DTNB: variants seen among roughly 807,000 people sequenced by gnomAD.
The protein encoded by DTNB is DTN-B.
DTNB carries 63 observed loss-of-function variants against 90.7 expected under a neutral mutation model. The ratio of observed to expected loss-of-function variants is 0.69; its 90% CI spans 0.57 to 0.86. The LOEUF is 0.86. Among genes scored for constraint, DTNB ranks in the 40% least tolerant of loss-of-function variants. The probability of loss-of-function intolerance (pLI) is 0.00; values close to 1 mark genes in which losing one functional copy is unlikely to be tolerated. For synonymous variants in DTNB, 277 were observed against 286.7 expected (o/e 0.97, Z 0.34); for missense variants, 744 against 807.1 (o/e 0.92, Z 0.95).
chr2:25,591,259 A>G (rs1179001578), intron 6 of DTNB, among the ~76,000 whole-genome samples: 1 of 152,148 alleles, frequency 6.6e-6, no homozygotes, highest in Non-Finnish European at 1.5e-5. Context: ...CCATGGCTTG[A>G]CCGGCTGCAG....
chr2:25,614,287 T>C (rs11678268), intron 4 of DTNB, among the ~76,000 whole-genome samples: 67,330 of 151,938 alleles, frequency 0.44, 15,966 homozygotes, highest in East Asian at 0.77. Flanking sequence ...AGAGGACTGC[T>C]CCCACCACTC....
chr2:25,648,496 C>G (rs2080034744), intron 2 of DTNB, among the ~76,000 whole-genome samples: 1 of 151,900 alleles, frequency 6.6e-6, no homozygotes, highest in Non-Finnish European at 1.5e-5. Flanking sequence ...ATGTAACAAA[C>G]CTGCACATGT....
chr2:25,387,709 C>A lies in DTNB; in HGVS notation c.1736-331G>T, dbSNP rs75178759. Among the ~76,000 whole-genome samples the A allele has an allele frequency of 3.8e-3, 586 of 152,280 alleles. 4 individuals carry two copies. Among genetic ancestry groups the A allele is most frequent in the African/African-American group, 0.013 (559 of 41,566 alleles). On this transcript the variant is annotated intron_variant, in intron 17 of 20. Transcript: ENST00000406818. The surrounding 1 kb of genome is among the most constrained non-coding windows in gnomAD (Gnocchi z 4.5). ...TGTGGGGGTGGGGCTGTACTCTCCA[C>A]AACCACCACTACCACCTCCCCTTCT... is the stretch of plus-strand genomic sequence containing the variant.
chr2:25,400,934 A>T (rs1483221876), intron 16 of DTNB, among the ~76,000 whole-genome samples: 1 of 152,238 alleles, frequency 6.6e-6, no homozygotes, highest in East Asian at 1.9e-4. Flanking sequence ...TTTTCAAATC[A>T]GCAAAGACCC....
intron 4 of DTNB, among the ~76,000 whole-genome samples, chr2:25,616,654 C>T (rs1454615084): frequency 2.5e-5 from 2 of 79,782 alleles, no homozygotes; most frequent in African/African-American, 9.0e-5. Flanking sequence ...AAGACTTGGC[C>T]GGGCGCAGTG....
Position 25,432,829 on chromosome 2 carries a change from G to A in DTNB, c.1457+57C>T, listed in dbSNP as rs2054369437. 5 of 1,520,320 alleles carry A rather than the reference G, an allele frequency of 3.3e-6. No homozygotes were observed. The South Asian group carries it at 4.8e-5, about 15-fold the overall frequency. The allele number at this position is 1,520,320 out of a possible 1,614,324, so 94.2% of individuals were successfully genotyped here. A position where few individuals can be genotyped will look rare whatever the true frequency, so the allele number is the denominator to read the frequency against. On this transcript the variant is annotated intron_variant, in intron 14 of 20. Coordinates refer to ENST00000406818, the MANE Select transcript of DTNB (RefSeq NM_021907.5). ...CTACCCCACTCCTTTGGTTTCCTCAGATAAGTTCCATCCATAGTAGATTAC... is the reference window on the plus strand; with the variant it reads ...CTACCCCACTCCTTTGGTTTCCTCAAATAAGTTCCATCCATAGTAGATTAC...
chr2:25,646,936 T>C (rs1272715375), intron 2 of DTNB, among the ~76,000 whole-genome samples: 1 of 152,234 alleles, frequency 6.6e-6, no homozygotes, highest in Non-Finnish European at 1.5e-5. Context: ...AATATATGTG[T>C]ATTCATTAAA....
chr2:25,533,240 C>A (rs1002144565), intron 8 of DTNB, among the ~76,000 whole-genome samples: 1 of 152,086 alleles, frequency 6.6e-6, no homozygotes, highest in Non-Finnish European at 1.5e-5. Flanking sequence ...GTGGGAGGAT[C>A]GCTTCAGCCC....
intron 2 of DTNB, among the ~76,000 whole-genome samples, chr2:25,644,838 T>C (rs769246445): frequency 1.3e-5 from 2 of 152,178 alleles, no homozygotes; most frequent in Non-Finnish European, 2.9e-5. Context: ...TTCCTTATCT[T>C]TTTCTTTGCA....
chr2:25,506,852 A>G (rs1965239), intron 9 of DTNB, among the ~76,000 whole-genome samples: 46,424 of 151,946 alleles, frequency 0.31, 8,137 homozygotes, highest in East Asian at 0.51. Flanking sequence ...CTAGGCCCTA[A>G]AAGAAATCTC....
At chr2:25,640,013 C>T (rs2077911363) in intron 2 of DTNB, among the ~76,000 whole-genome samples, 1 of 152,232 alleles carries the variant, frequency 6.6e-6, no homozygotes, top group Non-Finnish European at 1.5e-5. Flanking sequence ...CTGCTGAGAC[C>T]TCAGGCATCA....
At chr2:25,484,349 G>A (rs1364015543) in intron 9 of DTNB, among the ~76,000 whole-genome samples, 3 of 152,110 alleles carry the variant, frequency 2.0e-5, no homozygotes, top group South Asian at 2.1e-4. Context: ...TTCTCCTTCC[G>A]TTTAAGGACA....
chr2:25,572,742 G>A (rs2060072752), intron 8 of DTNB, among the ~76,000 whole-genome samples: 1 of 151,442 alleles, frequency 6.6e-6, no homozygotes, highest in African/African-American at 2.4e-5. Context: ...CTTTGCCAAT[G>A]TAATTCCCTC....
intron 9 of DTNB, among the ~76,000 whole-genome samples, chr2:25,492,238 A>T (rs2067691767): frequency 6.6e-6 from 1 of 152,238 alleles, no homozygotes; most frequent in East Asian, 1.9e-4. Flanking sequence ...TGGCTCTCTG[A>T]ACGTAAACCA....
In DTNB at chr2:25,655,228, C is replaced by T. The variant is rs566146021; in HGVS notation, c.-1-2567G>A. On this transcript the variant is annotated intron_variant, in intron 1 of 20. Coordinates refer to ENST00000406818, the MANE Select transcript of DTNB (RefSeq NM_021907.5). ...CAAGATTCTTCTGAACCTTCTAGGC[C>T]AGAAGCGGCTTTCTTCCTCTTACTA... Among the ~76,000 whole-genome samples the T allele has an allele frequency of 9.8e-5, 15 of 152,304 alleles. No homozygotes were observed. The East Asian group carries it at 2.7e-3, about 27-fold the overall frequency.
At chr2:25,412,779 G>C (rs1285039729) in intron 16 of DTNB, among the ~76,000 whole-genome samples, 7 of 152,154 alleles carry the variant, frequency 4.6e-5, no homozygotes, top group African/African-American at 1.7e-4. Context: ...GAGTCACTGG[G>C]AAAAATGGAA....
chr2:25,666,059 CGAT>C (rs2084369623), intron 1 of DTNB, among the ~76,000 whole-genome samples: 1 of 152,124 alleles, frequency 6.6e-6, no homozygotes, highest in Non-Finnish European at 1.5e-5. Context: ...AGTGAAGTTA[CGAT>C]GATATTTAGT....
chr2:25,384,018 A>T, intron 18 of DTNB, 129 bp from the exon 19 acceptor site: 1 of 1,555,550 alleles, frequency 6.4e-7, no homozygotes, highest in Non-Finnish European at 8.6e-7. Context: ...CAGGCCTCTG[A>T]GGGTGCTTCA....
chr2:25,460,946 G>A (rs2060843196), intron 10 of DTNB, among the ~76,000 whole-genome samples: 1 of 150,250 alleles, frequency 6.7e-6, no homozygotes, highest in South Asian at 2.1e-4. Flanking sequence ...CACCCAGGCT[G>A]CATTGCAGTG....
Sources: gnomAD v4.1 joint callset for allele counts (sites outside exome capture counted in the v4.1 genomes callset) on GRCh38, gnomAD v4.1.1 for gene constraint, Gnocchi (gnomAD v3.1) non-coding constraint, MANE v1.5 for transcripts, NCBI Gene and HGNC (gene_info 2026-07-23, HGNC 2026-07-21) for gene names.